The following SKIC3 variants were observed in gnomAD, a reference collection of about 807,000 sequenced individuals.
SKIC3 encodes superkiller complex protein 3.
At chr5:95,515,750 T>C in the SKIC3 span, among the ~76,000 whole-genome samples, 1 of 152,130 alleles carries the variant, frequency 6.6e-6, no homozygotes, top group African/African-American at 2.4e-5. Flanking sequence ...CTTTTTGGGA[T>C]GAGATTCAAT....
the SKIC3 span, among the ~76,000 whole-genome samples, chr5:95,507,943 A>T: frequency 2.0e-5 from 3 of 152,026 alleles, no homozygotes; most frequent in African/African-American, 7.2e-5. Context: ...AAAAAAAAAA[A>T]ATAGCAAACA....
At chr5:95,521,952 A>T in the SKIC3 span, 1 of 1,467,164 alleles carries the variant, frequency 6.8e-7, no homozygotes. Flanking sequence ...TTGACTAAAG[A>T]AGTCCTTTTC....
the SKIC3 span, among the ~76,000 whole-genome samples, chr5:95,548,307 C>G: frequency 6.6e-6 from 1 of 151,774 alleles, no homozygotes; most frequent in African/African-American, 2.4e-5. Flanking sequence ...TCCTTTATAT[C>G]CAAAGAAGAA....
the SKIC3 span, chr5:95,503,074 C>A: frequency 7.5e-6 from 12 of 1,590,970 alleles, no homozygotes; most frequent in Non-Finnish European, 1.0e-5. Context: ...TGGGATTTTT[C>A]CTTTCCAAAT....
At chr5:95,464,575 T>C in the SKIC3 span, 9 of 1,540,976 alleles carry the variant, frequency 5.8e-6, no homozygotes, top group East Asian at 2.0e-4. Flanking sequence ...TACAGCTTTT[T>C]CTTTGCTTCC....
the SKIC3 span, chr5:95,536,783 T>C: frequency 1.3e-6 from 2 of 1,530,560 alleles, no homozygotes; most frequent in Non-Finnish European, 1.8e-6. Context: ...ATCACACACC[T>C]CTAGGACACA....
At chr5:95,488,604 G>GA in the SKIC3 span, among the ~76,000 whole-genome samples, 1 of 152,164 alleles carries the variant, frequency 6.6e-6, no homozygotes, top group South Asian at 2.1e-4. Context: ...TAAATGAAGG[G>GA]AAAATAAAGT....
the SKIC3 span, chr5:95,512,398 C>T: frequency 6.7e-7 from 1 of 1,487,662 alleles, no homozygotes; most frequent in Admixed American, 1.8e-5. Context: ...TTTAATTTGA[C>T]ATGAATTAAT....
At chr5:95,515,222 C>G in the SKIC3 span, among the ~76,000 whole-genome samples, 16 of 152,108 alleles carry the variant, frequency 1.1e-4, no homozygotes, top group Non-Finnish European at 1.9e-4. Flanking sequence ...CATTAGATAG[C>G]CATAGGTTTG....
chr5:95,511,681 GCTT>G, the SKIC3 span, among the ~76,000 whole-genome samples: 1 of 151,774 alleles, frequency 6.6e-6, no homozygotes, highest in African/African-American at 2.4e-5. Context: ...TAAACTCCTT[GCTT>G]CTTTATTAGC....
chr5:95,547,126 C>T, the SKIC3 span: 4 of 1,613,166 alleles, frequency 2.5e-6, no homozygotes, highest in Non-Finnish European at 3.4e-6. Context: ...CTTTTTAGAG[C>T]AGTCTTCACT....
At chr5:95,543,037 T>C in the SKIC3 span, 3 of 964,456 alleles carry the variant, frequency 3.1e-6, no homozygotes, top group East Asian at 2.6e-5. Context: ...AACTAACTTT[T>C]AGGTTTAGAA....
chr5:95,487,260 G>A, the SKIC3 span, among the ~76,000 whole-genome samples: 2 of 152,114 alleles, frequency 1.3e-5, no homozygotes, highest in Non-Finnish European at 2.9e-5. Context: ...GCCTGTTGTG[G>A]GACCTTGTGA....
the SKIC3 span, among the ~76,000 whole-genome samples, chr5:95,535,264 A>G: frequency 4.0e-5 from 6 of 151,690 alleles, no homozygotes; most frequent in African/African-American, 1.5e-4. Context: ...AGTAAGGCAA[A>G]GGGCATCTGC....
the SKIC3 span, chr5:95,513,297 T>C: frequency 2.4e-6 from 1 of 410,656 alleles, no homozygotes; most frequent in Non-Finnish European, 4.6e-6. Context: ...ATCCTGAAAC[T>C]CCAGGACTCA....
chr5:95,553,827 G>A, the SKIC3 span, among the ~76,000 whole-genome samples: 1 of 151,164 alleles, frequency 6.6e-6, no homozygotes, highest in Non-Finnish European at 1.5e-5. Context: ...CCAAAGTGCT[G>A]GGATTACAGG....
chr5:95,550,038 G>A, the SKIC3 span, among the ~76,000 whole-genome samples: 21 of 151,694 alleles, frequency 1.4e-4, no homozygotes, highest in Admixed American at 8.5e-4. Flanking sequence ...AATTCTTTCC[G>A]CCTTATACCT....
At chr5:95,522,212 A>C in the SKIC3 span, 1 of 1,613,890 alleles carries the variant, frequency 6.2e-7, no homozygotes, top group Admixed American at 1.7e-5. Context: ...GAAGGACTTC[A>C]AGGCTGTTGT....
chr5:95,472,469 C>A, the SKIC3 span, among the ~76,000 whole-genome samples: 1 of 152,128 alleles, frequency 6.6e-6, no homozygotes, highest in Non-Finnish European at 1.5e-5. Context: ...GCTTCCAGGA[C>A]CCCGGAGGAC....
Sources: allele counts gnomAD v4.1 joint callset (sites outside exome capture counted in the v4.1 genomes callset), GRCh38; gene constraint gnomAD v4.1.1; transcripts MANE v1.5; gene names NCBI Gene and HGNC (gene_info 2026-07-23, HGNC 2026-07-21).